SMAP1: variants seen among roughly 807,000 people sequenced by gnomAD.
The protein encoded by SMAP1 is small ArfGAP 1, also known as stromal membrane-associated protein 1.
In SMAP1, 24 loss-of-function variants were observed where a neutral mutation model predicts 58.5. The ratio of observed to expected loss-of-function variants is 0.41; its 90% CI spans 0.30 to 0.58. SMAP1 has a LOEUF of 0.58. Ranked by LOEUF, SMAP1 falls within the 20% of genes least tolerant of loss-of-function variation. The pLI, the probability that SMAP1 is intolerant of heterozygous loss-of-function variation, is 0.29. For synonymous variants in SMAP1, 216 were observed against 196.6 expected (o/e 1.10, Z -0.82); for missense variants, 563 against 566.3 (o/e 0.99, Z 0.06).
intron 1 of SMAP1, among the ~76,000 whole-genome samples, chr6:70,725,256 A>G (rs1394562041): frequency 6.6e-6 from 1 of 151,702 alleles, no homozygotes; most frequent in Non-Finnish European, 1.5e-5. Flanking sequence ...AGCTGGGACT[A>G]CAGGCGCCTG....
At chr6:70,760,073 G>A (rs527779534) in intron 3 of SMAP1, among the ~76,000 whole-genome samples, 2 of 152,176 alleles carry the variant, frequency 1.3e-5, no homozygotes, top group African/African-American at 2.4e-5. Context: ...GGACACTTGA[G>A]TATTATTTAA....
At chr6:70,758,499 A>G (rs1766609481) in intron 3 of SMAP1, among the ~76,000 whole-genome samples, 4 of 151,954 alleles carry the variant, frequency 2.6e-5, no homozygotes, top group African/African-American at 7.2e-5. Flanking sequence ...GTGCACATGT[A>G]CCCTAAAACT....
chr6:70,844,726 T>A (rs1341018115), intron 7 of SMAP1, among the ~76,000 whole-genome samples: 1 of 152,216 alleles, frequency 6.6e-6, no homozygotes, highest in African/African-American at 2.4e-5. Flanking sequence ...AAATGGACAT[T>A]TGTGACTTGA....
intron 1 of SMAP1, among the ~76,000 whole-genome samples, chr6:70,727,869 C>T (rs1458074339): frequency 6.6e-6 from 1 of 152,078 alleles, no homozygotes; most frequent in Admixed American, 6.6e-5. Flanking sequence ...TTGAGACCAG[C>T]CTGGACACCA....
At chr6:70,719,793 A>C (rs1034366651) in intron 1 of SMAP1, among the ~76,000 whole-genome samples, 14 of 152,156 alleles carry the variant, frequency 9.2e-5, no homozygotes, top group Non-Finnish European at 1.9e-4. Flanking sequence ...GAGACTTATT[A>C]ACTATAATGA....
At chr6:70,704,411 A>G (rs949294003) in intron 1 of SMAP1, among the ~76,000 whole-genome samples, 1 of 152,188 alleles carries the variant, frequency 6.6e-6, no homozygotes, top group Non-Finnish European at 1.5e-5. Flanking sequence ...TTCATATATA[A>G]ATTTGATTGT....
At chr6:70,698,625 G>C (rs186786459) in intron 1 of SMAP1, among the ~76,000 whole-genome samples, 1 of 152,020 alleles carries the variant, frequency 6.6e-6, no homozygotes, top group Admixed American at 6.6e-5. Flanking sequence ...GAAATAGCCT[G>C]CTTCAAGCTT....
intron 6 of SMAP1, among the ~76,000 whole-genome samples, chr6:70,812,136 CA>C (rs772530481): frequency 6.6e-6 from 1 of 152,128 alleles, no homozygotes; most frequent in Non-Finnish European, 1.5e-5. Flanking sequence ...ACACTGAAAG[CA>C]AAACGTTAGG....
intron 1 of SMAP1, among the ~76,000 whole-genome samples, chr6:70,718,546 G>T (rs1219676425): frequency 6.6e-6 from 1 of 152,168 alleles, no homozygotes; most frequent in Non-Finnish European, 1.5e-5. Context: ...TTGGGGCTGA[G>T]CATGGTGGCT....
intron 1 of SMAP1, among the ~76,000 whole-genome samples, chr6:70,704,700 G>T (rs567739972): frequency 6.6e-6 from 1 of 152,164 alleles, no homozygotes; most frequent in African/African-American, 2.4e-5. Context: ...AATTTTCATT[G>T]TTACTGATAT....
intron 6 of SMAP1, among the ~76,000 whole-genome samples, chr6:70,824,795 A>G (rs1770044291): frequency 6.6e-6 from 1 of 152,218 alleles, no homozygotes; most frequent in South Asian, 2.1e-4. Context: ...GAGGAAAGGA[A>G]AAAGAACTGT....
Position 70,861,639 on chromosome 6 carries a change from A to G in SMAP1, c.*1305A>G, listed in dbSNP as rs1771733325. 7 of 1,606,272 alleles carry G rather than the reference A, an allele frequency of 4.4e-6. No individual in the cohort carries two copies. In the East Asian group the frequency reaches 1.6e-4, roughly 36 times the overall value. ...TCCATATGGATCCACTGGCTGGACA[A>G]ACTGCACCAGTTGCTGCTTCAATTT... On this transcript the variant is annotated 3_prime_UTR_variant, in exon 11 of 11. Transcript: ENST00000370455.
rs200644554 is a variant in SMAP1 at position 70,858,131 on chromosome 6, G to A, written c.1171G>A (p.Val391Ile). Reference sequence around the variant, plus strand: ...TGGTGTGATGCCACTTCCTCAGAACGTTGTTGGCCCCCAAGGAGGAATGGT... The same window carrying A: ...TGGTGTGATGCCACTTCCTCAGAACATTGTTGGCCCCCAAGGAGGAATGGT... ...QTGVMPLPQN[V>I]VGPQGGMVGQ... The change falls in exon 10 of 11, where the codon GTT becomes ATT. Residue 391 changes from valine to isoleucine, a missense_variant. This residue lies in a region of SMAP1 where 494 missense variants were observed against 473.8 expected (regional missense o/e 1.04). Transcript: ENST00000370455. 2.7e-5 allele frequency: 43 copies of A among 1,613,890 alleles called. No homozygotes were observed. The East Asian group carries it at 5.1e-4, about 19-fold the overall frequency.
At chr6:70,758,766 A>G (rs1766623493) in intron 3 of SMAP1, among the ~76,000 whole-genome samples, 1 of 152,222 alleles carries the variant, frequency 6.6e-6, no homozygotes, top group South Asian at 2.1e-4. Flanking sequence ...AAGCTACATT[A>G]AGATTGGCTT....
intron 1 of SMAP1, among the ~76,000 whole-genome samples, chr6:70,669,020 GA>G (rs1478662121): frequency 6.6e-6 from 1 of 152,126 alleles, no homozygotes; most frequent in Admixed American, 6.6e-5. Context: ...CTCAGCCTTT[GA>G]AACAGATATA....
chr6:70,800,802 T>C (rs938425811), intron 6 of SMAP1, among the ~76,000 whole-genome samples: 3 of 152,154 alleles, frequency 2.0e-5, no homozygotes, highest in Admixed American at 6.5e-5. Flanking sequence ...TTGCTGAGAA[T>C]GATGGTTTCC....
chr6:70,860,956 T>C lies in SMAP1; in HGVS notation c.*622T>C, dbSNP rs116050787. The C allele has an allele frequency of 1.3e-3, 466 of 355,126 alleles. 3 individuals carry two copies. Among genetic ancestry groups the C allele is most frequent in the African/African-American group, 9.2e-3 (441 of 47,880 alleles). The allele number at this position is 355,126 out of a possible 1,614,324, so 22.0% of individuals were successfully genotyped here. A position where few individuals can be genotyped will look rare whatever the true frequency, so the allele number is the denominator to read the frequency against. The stretch of plus-strand genomic sequence containing the variant: ...GAATTCAAATTTTATCTGCCTCTCT[T>C]GTAATTTGGATCTCTTCTTAATGTA... On this transcript the variant is annotated 3_prime_UTR_variant, in exon 11 of 11. Coordinates refer to ENST00000370455, the MANE Select transcript of SMAP1 (RefSeq NM_001044305.3).
At chr6:70,851,660 C>G (rs567803240) in intron 7 of SMAP1, among the ~76,000 whole-genome samples, 1 of 152,150 alleles carries the variant, frequency 6.6e-6, no homozygotes, top group Non-Finnish European at 1.5e-5. Flanking sequence ...CGACCTATAG[C>G]ACTCCACTTC....
intron 7 of SMAP1, among the ~76,000 whole-genome samples, chr6:70,843,272 G>A (rs1350247452): frequency 6.6e-6 from 1 of 151,868 alleles, no homozygotes; most frequent in Non-Finnish European, 1.5e-5. Flanking sequence ...ACCTAGATGT[G>A]TTTAATGCCA....
Sources: gnomAD v4.1 joint callset for allele counts (sites outside exome capture counted in the v4.1 genomes callset) on GRCh38, gnomAD v4.1.1 for gene constraint, gnomAD v4.1.1 regional missense constraint, MANE v1.5 for transcripts, NCBI Gene and HGNC (gene_info 2026-07-23, HGNC 2026-07-21) for gene names.